C1orf87: variants seen among roughly 807,000 people sequenced by gnomAD.
The protein encoded by C1orf87 is uncharacterized protein C1orf87.
A neutral mutation model predicts 60.5 loss-of-function variants in C1orf87; 58 were observed. That is an observed-to-expected ratio of 0.96 (90% CI 0.78 to 1.19). The LOEUF is 1.19. Among genes scored for constraint, C1orf87 ranks in the 50% most tolerant of loss-of-function variants. The pLI, the probability that C1orf87 is intolerant of heterozygous loss-of-function variation, is 0.00. For missense variants in C1orf87, 673 were observed against 638.6 expected, an observed-to-expected ratio of 1.05 and a Z score of -0.58; for synonymous variants, 236 against 227.4, an observed-to-expected ratio of 1.04 and a Z score of -0.34.
At chr1:60,058,792 T>C (rs1645474553) in intron 2 of C1orf87, among the ~76,000 whole-genome samples, 1 of 152,130 alleles carries the variant, frequency 6.6e-6, no homozygotes. Flanking sequence ...GGAAGGTCCA[T>C]GGAAGTTTGG....
intron 3 of C1orf87, among the ~76,000 whole-genome samples, chr1:60,045,837 C>T (rs960734685): frequency 6.6e-6 from 1 of 152,152 alleles, no homozygotes; most frequent in African/African-American, 2.4e-5. Context: ...CTGACGCACG[C>T]TGAAGTTTGA....
chr1:60,025,772 A>T (rs1398637627), intron 7 of C1orf87, among the ~76,000 whole-genome samples: 1 of 152,160 alleles, frequency 6.6e-6, no homozygotes, highest in Non-Finnish European at 1.5e-5. Flanking sequence ...TGAAATGCTG[A>T]TCTTACATTT....
chr1:60,027,721 G>GA (rs34555065), intron 7 of C1orf87, among the ~76,000 whole-genome samples: 1,878 of 147,992 alleles, frequency 0.013, 30 homozygotes, highest in African/African-American at 0.044. Context: ...TAAAAGAGGG[G>GA]AAAAAAAAAA....
At chr1:60,001,248 AC>A in intron 9 of C1orf87, 92 bp from the exon 10 acceptor site, 15 of 870,414 alleles carry the variant, frequency 1.7e-5, no homozygotes, top group East Asian at 3.1e-5. Flanking sequence ...AACAGCAACA[AC>A]AAAAAAATGG....
At chr1:59,999,033 G>T (rs1574292556) in intron 10 of C1orf87, among the ~76,000 whole-genome samples, 1 of 152,054 alleles carries the variant, frequency 6.6e-6, no homozygotes, top group South Asian at 2.1e-4. Context: ...TACCATCTGT[G>T]TTCCCCCAAC....
intron 4 of C1orf87, 69 bp downstream of exon 4, chr1:60,040,922 C>A: frequency 6.8e-7 from 1 of 1,477,748 alleles, no homozygotes. Flanking sequence ...TGCTCCACAT[C>A]AAGAAATTGA....
At chr1:60,017,468 T>G (rs1393234967) in intron 8 of C1orf87, among the ~76,000 whole-genome samples, 1 of 152,298 alleles carries the variant, frequency 6.6e-6, no homozygotes, top group East Asian at 1.9e-4. Flanking sequence ...CTCCCCTCTT[T>G]TCATGAAGCT....
At chr1:60,021,215 T>A (rs1645161393) in intron 8 of C1orf87, among the ~76,000 whole-genome samples, 1 of 152,216 alleles carries the variant, frequency 6.6e-6, no homozygotes, top group Non-Finnish European at 1.5e-5. Context: ...TCTCAGGTAG[T>A]TCCTGTAGTT....
intron 11 of C1orf87, among the ~76,000 whole-genome samples, chr1:59,995,824 A>G (rs1044691163): frequency 9.2e-5 from 14 of 152,150 alleles, no homozygotes; most frequent in Non-Finnish European, 4.4e-5. Flanking sequence ...ATGCCCAGCC[A>G]TGTAACTTCA....
intron 2 of C1orf87, among the ~76,000 whole-genome samples, chr1:60,066,879 C>G (rs1645550402): frequency 6.6e-6 from 1 of 151,980 alleles, no homozygotes; most frequent in African/African-American, 2.4e-5. Flanking sequence ...CTCCCTGTGT[C>G]CATGTGTTTT....
chr1:60,027,512 G>A (rs1238829823), intron 7 of C1orf87, among the ~76,000 whole-genome samples: 3 of 152,226 alleles, frequency 2.0e-5, no homozygotes, highest in Admixed American at 1.3e-4. Context: ...TAGCAACCAT[G>A]AGAAACAGAC....
At chr1:60,012,211 C>A (rs1213857963) in intron 8 of C1orf87, among the ~76,000 whole-genome samples, 1 of 151,016 alleles carries the variant, frequency 6.6e-6, no homozygotes, top group Non-Finnish European at 1.5e-5. Context: ...ACAACAACAA[C>A]AAAAACCTAG....
At chr1:60,033,983 G>A (rs2100287897) in intron 6 of C1orf87, among the ~76,000 whole-genome samples, 1 of 152,142 alleles carries the variant, frequency 6.6e-6, no homozygotes, top group Non-Finnish European at 1.5e-5. Flanking sequence ...TACTTTATCT[G>A]CTTGATTTTA....
At chr1:60,063,102 T>C (rs1183760644) in intron 2 of C1orf87, among the ~76,000 whole-genome samples, 3 of 152,290 alleles carry the variant, frequency 2.0e-5, no homozygotes, top group African/African-American at 7.2e-5. Context: ...ACTTTATTAT[T>C]TTGAACTTGT....
chr1:59,998,679 T>C (rs534136585), intron 10 of C1orf87, among the ~76,000 whole-genome samples: 2 of 152,290 alleles, frequency 1.3e-5, no homozygotes, highest in Admixed American at 6.5e-5. Flanking sequence ...AAACCCATTG[T>C]CCAGGAATTT....
At chr1:60,019,802 G>C (rs180800003) in intron 8 of C1orf87, among the ~76,000 whole-genome samples, 2 of 152,298 alleles carry the variant, frequency 1.3e-5, no homozygotes, top group African/African-American at 4.8e-5. Context: ...GAACTTGAGA[G>C]AGATGATTTA....
intron 3 of C1orf87, among the ~76,000 whole-genome samples, chr1:60,054,887 C>T (rs533048190): frequency 1.3e-5 from 2 of 152,116 alleles, no homozygotes; most frequent in African/African-American, 4.8e-5. Flanking sequence ...TCCAACACGC[C>T]CCAACTTTGC....
chr1:60,063,255 A>G (rs1645509024), intron 2 of C1orf87, among the ~76,000 whole-genome samples: 1 of 152,180 alleles, frequency 6.6e-6, no homozygotes, highest in Admixed American at 6.5e-5. Flanking sequence ...TTGTTTCTAA[A>G]AAATAATAAA....
In C1orf87 at chr1:60,037,991, C is replaced by A; in HGVS notation, c.863+1G>T. 4 of 1,599,754 alleles carry A rather than the reference C, an allele frequency of 2.5e-6. No individual in the cohort carries two copies. The highest frequency in any genetic ancestry group is 3.4e-6 in the Non-Finnish European group (4 of 1,168,636). ...ACCCTCACAAAAAGGGAGAAGAGTA[C>A]CTTTGGCTATGAGTGCCATGACTCT... On this transcript the variant is annotated splice_donor_variant, in intron 6 of 11. Coordinates refer to ENST00000371201, the MANE Select transcript of C1orf87 (RefSeq NM_152377.3). LOFTEE classifies it high-confidence loss of function.
Sources: allele counts gnomAD v4.1 joint callset (sites outside exome capture counted in the v4.1 genomes callset), GRCh38; gene constraint gnomAD v4.1.1; transcripts MANE v1.5; gene names NCBI Gene and HGNC (gene_info 2026-07-23, HGNC 2026-07-21).